PDCD10: variants seen among roughly 807,000 people sequenced by gnomAD.
PDCD10 encodes the protein programmed cell death 10, also known as programmed cell death protein 10.
PDCD10 carries 4 observed loss-of-function variants against 29.2 expected under a neutral mutation model. The observed-to-expected ratio is 0.14, with a 90% confidence interval of 0.07 to 0.31. The LOEUF is 0.31. Ranked by LOEUF, PDCD10 falls within the 10% of genes least tolerant of loss-of-function variation. PDCD10 has a pLI of 1.00. For missense variants in PDCD10, 183 were observed against 257.9 expected (o/e 0.71, Z 1.99); for synonymous variants, 70 against 82.2 (o/e 0.85, Z 0.80).
intron 2 of PDCD10, among the ~76,000 whole-genome samples, chr3:167,733,941 T>C (rs1725091470): frequency 1.3e-5 from 2 of 152,230 alleles, no homozygotes; most frequent in Admixed American, 6.5e-5. Context: ...CTTTCCTTTA[T>C]TGAGGAATTT....
chr3:167,703,840 A>T (rs1721687787), intron 4 of PDCD10, among the ~76,000 whole-genome samples: 1 of 152,212 alleles, frequency 6.6e-6, no homozygotes, highest in Admixed American at 6.5e-5. Flanking sequence ...GACACAGGTA[A>T]AATTATTTTA....
intron 5 of PDCD10, among the ~76,000 whole-genome samples, chr3:167,696,583 GTTATA>G (rs1720833917): frequency 6.6e-6 from 1 of 152,062 alleles, no homozygotes; most frequent in South Asian, 2.1e-4. Context: ...AAAAAGGATG[GTTATA>G]TTATTCTCTT....
chr3:167,711,610 A>G (rs1722526553), intron 3 of PDCD10, among the ~76,000 whole-genome samples: 1 of 152,184 alleles, frequency 6.6e-6, no homozygotes, highest in African/African-American at 2.4e-5. Context: ...ATTCAAAGTG[A>G]TAACAACAGA....
intron 4 of PDCD10, among the ~76,000 whole-genome samples, chr3:167,700,894 C>T (rs1344782717): frequency 6.6e-6 from 1 of 152,076 alleles, no homozygotes; most frequent in African/African-American, 2.4e-5. Context: ...TAATACAGAT[C>T]AAAGTGCCCT....
chr3:167,704,487 C>G (rs570754875), intron 4 of PDCD10: 1 of 194,840 alleles, frequency 5.1e-6, no homozygotes, highest in South Asian at 9.0e-5. Flanking sequence ...CTCAGCCTCT[C>G]AAAGTGTTGG....
Position 167,688,754 on chromosome 3 carries a change from A to G in PDCD10, c.396-1061T>C, listed in dbSNP as rs565376987. 2.6e-5 allele frequency among the ~76,000 whole-genome samples: 4 copies of G among 152,310 alleles called. No individual in the cohort carries two copies. In the South Asian group the frequency reaches 6.2e-4, roughly 24 times the overall value. ...AGAAATGAATAAGATGGAAATCTGC[A>G]CCATCCTAAACATAACATTTTATTA... On this transcript the variant is annotated intron_variant, in intron 6 of 8. Transcript: ENST00000392750.
chr3:167,691,333 G>A (rs1720211040), intron 6 of PDCD10, among the ~76,000 whole-genome samples: 1 of 152,122 alleles, frequency 6.6e-6, no homozygotes, highest in African/African-American at 2.4e-5. Context: ...CAAATGGTTA[G>A]GAAGTAAATT....
intron 2 of PDCD10, among the ~76,000 whole-genome samples, chr3:167,733,238 T>A (rs1725000893): frequency 6.6e-6 from 1 of 152,212 alleles, no homozygotes; most frequent in East Asian, 1.9e-4. Context: ...CCATGATTTA[T>A]TACATGCTAA....
chr3:167,718,068 G>A lies in PDCD10; in HGVS notation c.96+1994C>T, dbSNP rs1723188673. Among the ~76,000 whole-genome samples, 2 of 152,044 alleles carry A rather than the reference G, an allele frequency of 1.3e-5. 1 individual carries two copies. Among genetic ancestry groups the A allele is most frequent in the South Asian group, 4.1e-4 (2 of 4,828 alleles). ...TTCAGAATATAGACATGAAAAGAAA[G>A]AGTGTCTCTGGGTGGAATTGTGATA... On this transcript the variant is annotated intron_variant, in intron 3 of 8. Coordinates refer to ENST00000392750, the MANE Select transcript of PDCD10 (RefSeq NM_007217.4).
chr3:167,685,249 C>T (rs915861411), intron 8 of PDCD10, among the ~76,000 whole-genome samples: 3 of 151,858 alleles, frequency 2.0e-5, no homozygotes, highest in African/African-American at 4.8e-5. Flanking sequence ...CTTGTCTCTA[C>T]TAAAAATACA....
At chr3:167,702,537 T>C (rs1330425076) in intron 4 of PDCD10, among the ~76,000 whole-genome samples, 1 of 152,206 alleles carries the variant, frequency 6.6e-6, no homozygotes, top group African/African-American at 2.4e-5. Context: ...TATACTCAAA[T>C]CTTCAACTCT....
intron 6 of PDCD10, among the ~76,000 whole-genome samples, chr3:167,693,289 T>C (rs1720453836): frequency 6.6e-6 from 1 of 152,238 alleles, no homozygotes; most frequent in African/African-American, 2.4e-5. Context: ...CATTTCAACT[T>C]GTACATAATT....
intron 3 of PDCD10, among the ~76,000 whole-genome samples, chr3:167,713,640 A>C (rs778850084): frequency 1.3e-5 from 2 of 151,966 alleles, no homozygotes; most frequent in Non-Finnish European, 2.9e-5. Context: ...TGAAAAGATA[A>C]GCAAAATTGA....
chr3:167,691,151 C>T (rs1720189814), intron 6 of PDCD10, among the ~76,000 whole-genome samples: 1 of 152,100 alleles, frequency 6.6e-6, no homozygotes, highest in Non-Finnish European at 1.5e-5. Flanking sequence ...GCAATTTTAT[C>T]CACTAATTTG....
At chr3:167,726,567 A>G (rs1724204687) in intron 2 of PDCD10, among the ~76,000 whole-genome samples, 1 of 152,202 alleles carries the variant, frequency 6.6e-6, no homozygotes, top group South Asian at 2.1e-4. Flanking sequence ...GTAAATCTCT[A>G]TTTCTAAACT....
intron 6 of PDCD10, 72 bp downstream of exon 6, chr3:167,695,524 T>C (rs1435548607): frequency 7.2e-7 from 1 of 1,395,976 alleles, no homozygotes; most frequent in African/African-American, 1.4e-5. Flanking sequence ...ATACCAAAAT[T>C]AAAAAATGTA....
At chr3:167,716,846 T>C (rs1236570450) in intron 3 of PDCD10, among the ~76,000 whole-genome samples, 7 of 151,944 alleles carry the variant, frequency 4.6e-5, no homozygotes, top group Non-Finnish European at 1.0e-4. Context: ...TTTCAAAACA[T>C]AATATATATT....
intron 3 of PDCD10, among the ~76,000 whole-genome samples, chr3:167,707,883 G>C (rs970797811): frequency 2.0e-5 from 3 of 152,086 alleles, no homozygotes; most frequent in Admixed American, 1.3e-4. Flanking sequence ...CAGTAAAAGA[G>C]TAAGAGAAAA....
At chr3:167,691,002 T>C (rs1248345098) in intron 6 of PDCD10, among the ~76,000 whole-genome samples, 1 of 152,224 alleles carries the variant, frequency 6.6e-6, no homozygotes, top group Non-Finnish European at 1.5e-5. Flanking sequence ...GCATCACCTA[T>C]AGTACTTGGT....
Sources: allele counts gnomAD v4.1 joint callset (sites outside exome capture counted in the v4.1 genomes callset), GRCh38; gene constraint gnomAD v4.1.1; transcripts MANE v1.5; gene names NCBI Gene and HGNC (gene_info 2026-07-23, HGNC 2026-07-21).